Variants in KAT2B observed in about 807,000 individuals in gnomAD.
KAT2B encodes the protein histone acetyltransferase KAT2B.
A neutral mutation model predicts 105.9 loss-of-function variants in KAT2B; 36 were observed. That is an observed-to-expected ratio of 0.34 (90% confidence interval 0.26 to 0.45). The LOEUF is 0.45. Among genes scored for constraint, KAT2B ranks in the 20% least tolerant of loss-of-function variants. The probability of loss-of-function intolerance (pLI) is 1.00; values close to 1 mark genes in which losing one functional copy is unlikely to be tolerated. For missense variants in KAT2B, 820 were observed against 1,021.6 expected, an observed-to-expected ratio of 0.80 and a Z score of 2.69; for synonymous variants, 397 against 377.9, an observed-to-expected ratio of 1.05 and a Z score of -0.59.
intron 1 of KAT2B, among the ~76,000 whole-genome samples, chr3:20,072,071 G>A (rs986271687): frequency 6.6e-6 from 1 of 152,160 alleles, no homozygotes; most frequent in African/African-American, 2.4e-5. Context: ...TGGGGGCAAT[G>A]GTAGCAAAGT....
At chr3:20,061,500 G>A (rs974687990) in intron 1 of KAT2B, among the ~76,000 whole-genome samples, 7 of 151,946 alleles carry the variant, frequency 4.6e-5, no homozygotes, top group African/African-American at 1.7e-4. Context: ...ACCCAGAAGT[G>A]GAATTGCTGC....
At chr3:20,138,398 G>T (rs1416699583) in intron 12 of KAT2B, among the ~76,000 whole-genome samples, 1 of 77,084 alleles carries the variant, frequency 1.3e-5, no homozygotes, top group African/African-American at 7.1e-5. Flanking sequence ...ATACATTTTT[G>T]ACTAGGTGTT....
intron 5 of KAT2B, among the ~76,000 whole-genome samples, chr3:20,107,487 G>A (rs188027156): frequency 2.1e-3 from 321 of 151,206 alleles, no homozygotes; most frequent in African/African-American, 7.4e-3. Flanking sequence ...GTGAAACCCT[G>A]TCTCTATTAA....
At chr3:20,047,980 A>G (rs926612359) in intron 1 of KAT2B, among the ~76,000 whole-genome samples, 1 of 152,190 alleles carries the variant, frequency 6.6e-6, no homozygotes, top group Non-Finnish European at 1.5e-5. Flanking sequence ...ACAGAAACTA[A>G]ATTAGAAATA....
chr3:20,130,686 A>T lies in KAT2B; in HGVS notation c.1749+3137A>T, dbSNP rs552349255. ...CTTCCCAGAAAGGCAATTCCCCCCC[A>T]TAACCATGTAATTTTCTAAAGACTT... On this transcript the variant is annotated intron_variant, in intron 11 of 17. Transcript: ENST00000263754. Among the ~76,000 whole-genome samples the T allele has an allele frequency of 2.0e-5, 3 of 152,270 alleles. No individual in the cohort carries two copies. In the South Asian group the frequency reaches 6.2e-4, roughly 32 times the overall value.
chr3:20,143,845 C>T (rs977064183), intron 13 of KAT2B, among the ~76,000 whole-genome samples: 4 of 151,964 alleles, frequency 2.6e-5, no homozygotes, highest in Non-Finnish European at 5.9e-5. Flanking sequence ...GATATATGCT[C>T]ACAAAGATGG....
chr3:20,140,187 G>T, intron 12 of KAT2B, 34 bp from the exon 13 acceptor site: 1 of 1,362,780 alleles, frequency 7.3e-7, no homozygotes, highest in Non-Finnish European at 1.0e-6. Flanking sequence ...TTTGGTGTAT[G>T]GTGTTCATAT....
intron 1 of KAT2B, among the ~76,000 whole-genome samples, chr3:20,059,772 T>C (rs1018235046): frequency 6.6e-6 from 1 of 152,196 alleles, no homozygotes. Flanking sequence ...TTCTCTAGTT[T>C]TAAGTGTACA....
At chr3:20,044,423 AAAAT>A (rs983062678) in intron 1 of KAT2B, among the ~76,000 whole-genome samples, 3 of 152,194 alleles carry the variant, frequency 2.0e-5, no homozygotes, top group African/African-American at 4.8e-5. Flanking sequence ...CCTAAAAAAA[AAAAT>A]AAATAAATAA....
intron 1 of KAT2B, among the ~76,000 whole-genome samples, chr3:20,069,022 T>A (rs1698272937): frequency 6.6e-6 from 1 of 152,170 alleles, no homozygotes; most frequent in Non-Finnish European, 1.5e-5. Flanking sequence ...GATACTTTTG[T>A]AGGGGAAGAA....
intron 12 of KAT2B, among the ~76,000 whole-genome samples, chr3:20,138,272 A>G (rs189780762): frequency 6.6e-5 from 10 of 152,232 alleles, no homozygotes; most frequent in Admixed American, 3.3e-4. Context: ...TTTGACATAA[A>G]TCTTTTTAGT....
intron 1 of KAT2B, among the ~76,000 whole-genome samples, chr3:20,059,472 C>G (rs916978643): frequency 6.9e-6 from 1 of 144,052 alleles, no homozygotes; most frequent in Admixed American, 7.1e-5. Flanking sequence ...AATCCCAGCA[C>G]TTTGGGAGGC....
chr3:20,042,596 A>G (rs1697739422), intron 1 of KAT2B, among the ~76,000 whole-genome samples: 1 of 152,210 alleles, frequency 6.6e-6, no homozygotes, highest in African/African-American at 2.4e-5. Context: ...TCGCAGCCAA[A>G]GTGGGCTCAT....
At chr3:20,146,457 G>A (rs762728649) in intron 14 of KAT2B, 27 bp downstream of exon 14, 38 of 1,366,992 alleles carry the variant, frequency 2.8e-5, no homozygotes, top group Middle Eastern at 1.8e-4. Context: ...TTTTAAAAGC[G>A]AAATTTTTTA....
Position 20,148,431 on chromosome 3 carries a change from A to C in KAT2B, c.2249A>C (p.Glu750Ala). The C allele has an allele frequency of 6.2e-7, 1 of 1,611,492 alleles. No individual in the cohort carries two copies. The highest frequency in any genetic ancestry group is 8.5e-7 in the Non-Finnish European group (1 of 1,179,306). Reference sequence around the variant, plus strand: ...CATCAAAGCGCTTGGCCCTTCATGGAACCTGTGAAGAGAACAGAAGCTCCA... The same window carrying C: ...CATCAAAGCGCTTGGCCCTTCATGGCACCTGTGAAGAGAACAGAAGCTCCA... Reference protein sequence around the residue: ...KSHQSAWPFMEPVKRTEAPGY... With the variant: ...KSHQSAWPFMAPVKRTEAPGY... Residue 750 changes from glutamate (E) to alanine (A), a missense_variant, in exon 17 of 18, where the codon GAA (glutamate) becomes GCA (alanine). Transcript: ENST00000263754.
At chr3:20,145,536 C>T (rs955591920) in intron 13 of KAT2B, among the ~76,000 whole-genome samples, 6 of 134,202 alleles carry the variant, frequency 4.5e-5, no homozygotes, top group Non-Finnish European at 8.0e-5. Flanking sequence ...TGTTTAATTT[C>T]CGGATGGGAT....
rs1222988595 is a variant in KAT2B at position 20,040,612 on chromosome 3, C to G, written c.135C>G (p.Ala45=). The G allele has an allele frequency of 1.5e-6, 2 of 1,311,176 alleles. No homozygotes were observed. Among genetic ancestry groups the G allele is most frequent in the Non-Finnish European group, 1.9e-6 (2 of 1,032,996 alleles). The allele number at this position is 1,311,176 out of a possible 1,614,324, so 81.2% of individuals were successfully genotyped here. Residue 45 remains alanine (A), a synonymous_variant, in exon 1 of 18, where the codon GCC becomes GCG. Transcript: ENST00000263754. The stretch of plus-strand genomic sequence containing the variant: ...CGCAGGGCTCCCCCTGCGCCGCTGC[C>G]GCCGGGGGCTCGGGCGCCTGCGGTC... ...APPQGSPCAA[A]AGGSGACGPA... is the part of the protein sequence containing the mutation.
intron 5 of KAT2B, among the ~76,000 whole-genome samples, chr3:20,107,806 C>CTTTTT (rs1206858155): frequency 7.9e-5 from 9 of 113,738 alleles, no homozygotes; most frequent in Admixed American, 9.2e-5. Context: ...TTGCTTTTTC[C>CTTTTT]TTTTTTTTTT....
At chr3:20,042,716 T>G (rs1388418021) in intron 1 of KAT2B, among the ~76,000 whole-genome samples, 1 of 152,196 alleles carries the variant, frequency 6.6e-6, no homozygotes, top group African/African-American at 2.4e-5. Context: ...TGCTGTAGCT[T>G]TAATATCTGA....
Sources: gnomAD v4.1 joint callset for allele counts (sites outside exome capture counted in the v4.1 genomes callset) on GRCh38, gnomAD v4.1.1 for gene constraint, MANE v1.5 for transcripts, NCBI Gene and HGNC (gene_info 2026-07-23, HGNC 2026-07-21) for gene names.